LRBA: variants seen among roughly 807,000 people sequenced by gnomAD.
LRBA encodes the protein lipopolysaccharide-responsive and beige-like anchor protein.
In LRBA, 176 loss-of-function variants were observed where a neutral mutation model predicts 330.0. That is an observed-to-expected ratio of 0.53 (90% CI 0.47 to 0.60). LRBA has a LOEUF of 0.60. Ranked by LOEUF, LRBA falls within the 20% of genes least tolerant of loss-of-function variation. The pLI is 0.00. For missense variants in LRBA, 3,259 were observed against 3,444.8 expected, an observed-to-expected ratio of 0.95 and a Z score of 1.35; for synonymous variants, 1,230 against 1,193.0, an observed-to-expected ratio of 1.03 and a Z score of -0.64.
At chr4:150,315,482 T>C in intron 51 of LRBA, 79 bp downstream of exon 51, 3 of 1,216,620 alleles carry the variant, frequency 2.5e-6, no homozygotes, top group Non-Finnish European at 3.7e-6. Flanking sequence ...AACCAGCAAG[T>C]GAAAAACAAC....
intron 33 of LRBA, among the ~76,000 whole-genome samples, chr4:150,804,128 T>G (rs1002441084): frequency 5.3e-5 from 8 of 152,168 alleles, no homozygotes; most frequent in African/African-American, 1.9e-4. Flanking sequence ...TCTTCAATTT[T>G]TAAAATTCAA....
intron 36 of LRBA, among the ~76,000 whole-genome samples, chr4:150,687,469 C>T (rs1783727483): frequency 6.6e-6 from 1 of 151,862 alleles, no homozygotes; most frequent in Non-Finnish European, 1.5e-5. Flanking sequence ...TTCTGTGTTC[C>T]TATTTGTAAG....
chr4:150,721,293 A>G, intron 36 of LRBA: 1 of 355,150 alleles, frequency 2.8e-6, no homozygotes, highest in South Asian at 2.9e-5. Context: ...TGAATTCTTC[A>G]TACCCTGGGA....
chr4:150,808,684 A>T (rs549958678), intron 31 of LRBA, among the ~76,000 whole-genome samples: 1 of 152,202 alleles, frequency 6.6e-6, no homozygotes, highest in Non-Finnish European at 1.5e-5. Flanking sequence ...AATTCCTTCT[A>T]CTCAACACCA....
At chr4:150,848,011 C>T (rs752993859) in intron 26 of LRBA, among the ~76,000 whole-genome samples, 1 of 151,774 alleles carries the variant, frequency 6.6e-6, no homozygotes, top group South Asian at 2.1e-4. Context: ...TACCCTAGAC[C>T]TCTATAACCC....
At chr4:150,437,505 C>A (rs6535737) in intron 44 of LRBA, among the ~76,000 whole-genome samples, 3,594 of 135,992 alleles carry the variant, frequency 0.026, 54 homozygotes, top group Middle Eastern at 0.037. Context: ...CTCTCTCTCT[C>A]TCTATATATA....
chr4:150,717,555 G>C (rs915954678), intron 36 of LRBA, among the ~76,000 whole-genome samples: 3 of 151,642 alleles, frequency 2.0e-5, no homozygotes, highest in African/African-American at 7.3e-5. Context: ...AGCTACTCGG[G>C]AGGCTGAGGT....
At position 150,656,598 on chromosome 4, in the gene LRBA, G is replaced by C. The variant is rs117825216; in HGVS notation, c.5921+26953C>G. On this transcript the variant is annotated intron_variant, in intron 37 of 56. Transcript: ENST00000651943. ...CCACAGAACTACTCAGAACAACACA[G>C]TCTACAAAAATATTCCTAAGACATT... Among the ~76,000 whole-genome samples, 24 of 152,290 alleles carry C rather than the reference G, an allele frequency of 1.6e-4. No homozygotes were observed. The East Asian group carries it at 4.6e-3, about 29-fold the overall frequency.
intron 42 of LRBA, among the ~76,000 whole-genome samples, chr4:150,475,731 TAA>T (rs368974634): frequency 2.3e-5 from 3 of 133,166 alleles, no homozygotes; most frequent in Admixed American, 1.5e-4. Flanking sequence ...CCTATCTCTA[TAA>T]AAAAAAAAAA....
Position 150,577,419 on chromosome 4 carries a change from T to A in LRBA, c.6330+10629A>T, listed in dbSNP as rs527921159. On this transcript the variant is annotated intron_variant, in intron 40 of 56. Transcript: ENST00000651943. ...AAAATAAAAATCAATGTTCATTTTTTTAAAAAAAAAAAGCATTTTCATAAG... is the reference window on the plus strand; with the variant it reads ...AAAATAAAAATCAATGTTCATTTTTATAAAAAAAAAAAGCATTTTCATAAG... 8.9e-3 allele frequency among the ~76,000 whole-genome samples: 1,059 copies of A among 119,616 alleles called. 6 individuals carry two copies. Among genetic ancestry groups the A allele is most frequent in the Non-Finnish European group, 0.015 (766 of 52,302 alleles). The allele number at this position is 119,616 out of a possible 152,430, so 78.5% of individuals were successfully genotyped here. A position where few individuals can be genotyped will look rare whatever the true frequency, so the allele number is the denominator to read the frequency against.
At chr4:150,641,255 TAA>T (rs1380608176) in intron 37 of LRBA, among the ~76,000 whole-genome samples, 1 of 152,174 alleles carries the variant, frequency 6.6e-6, no homozygotes, top group Non-Finnish European at 1.5e-5. Context: ...CAAAATGTAA[TAA>T]GAAATTTTTA....
Position 150,512,717 on chromosome 4 carries a change from GA to G in LRBA, c.6331-21683del, listed in dbSNP as rs370203536. 6.8e-3 allele frequency among the ~76,000 whole-genome samples: 681 copies of G among 100,650 alleles called. 3 individuals are homozygous for G. The highest frequency in any genetic ancestry group is 0.013 in the Admixed American group (117 of 9,336). 66.0% of individuals were successfully genotyped at this position (100,650 alleles called of 152,430 possible). Reference sequence around the variant, plus strand: ...CCCAAACAAAGACAGTGCTTTTTGAGAAAAAAAAAAAAAAAAAAAAAAGATG... The same window carrying G: ...CCCAAACAAAGACAGTGCTTTTTGAGAAAAAAAAAAAAAAAAAAAAAGATG... On this transcript the variant is annotated intron_variant, in intron 40 of 56. Coordinates refer to ENST00000651943, the MANE Select transcript of LRBA (RefSeq NM_001364905.1).
chr4:150,599,944 G>C (rs914879253), intron 37 of LRBA, among the ~76,000 whole-genome samples: 32 of 151,912 alleles, frequency 2.1e-4, no homozygotes, highest in Non-Finnish European at 2.9e-5. Flanking sequence ...TGCAATAATT[G>C]CTATATCAAA....
chr4:150,720,914 G>T, intron 36 of LRBA: 1 of 367,024 alleles, frequency 2.7e-6, no homozygotes. Context: ...AGATAACAAA[G>T]CAATGTCTGC....
chr4:150,983,226 G>A (rs1741054483), intron 2 of LRBA, among the ~76,000 whole-genome samples: 1 of 152,164 alleles, frequency 6.6e-6, no homozygotes, highest in South Asian at 2.1e-4. Flanking sequence ...GGAGGCTGAG[G>A]CAAGCGGAAC....
At chr4:150,648,552 C>G (rs1278435512) in intron 37 of LRBA, among the ~76,000 whole-genome samples, 1 of 150,940 alleles carries the variant, frequency 6.6e-6, no homozygotes, top group Non-Finnish European at 1.5e-5. Context: ...CAAAAACATG[C>G]CCCCCCACCC....
chr4:150,811,440 AG>A (rs1400053521), intron 31 of LRBA, among the ~76,000 whole-genome samples: 1 of 131,200 alleles, frequency 7.6e-6, no homozygotes, highest in Non-Finnish European at 1.7e-5. Flanking sequence ...AAAAAAAAAA[AG>A]GGGGTGTGCA....
chr4:150,594,590 C>T (rs1773277473), intron 38 of LRBA, among the ~76,000 whole-genome samples: 2 of 152,092 alleles, frequency 1.3e-5, no homozygotes, highest in South Asian at 4.2e-4. Context: ...TTAAATTTTT[C>T]ATATCATTAT....
At chr4:150,265,894 C>A in intron 56 of LRBA, 82 bp from the exon 57 acceptor site, 1 of 835,166 alleles carries the variant, frequency 1.2e-6, no homozygotes, top group Non-Finnish European at 2.1e-6. Context: ...CCCAAATCCA[C>A]AAGGTAAATA....
Sources: allele counts gnomAD v4.1 joint callset (sites outside exome capture counted in the v4.1 genomes callset), GRCh38; gene constraint gnomAD v4.1.1; transcripts MANE v1.5; gene names NCBI Gene and HGNC (gene_info 2026-07-23, HGNC 2026-07-21).